MKX: variants seen among roughly 807,000 people sequenced by gnomAD.
The protein encoded by MKX is homeobox protein Mohawk.
MKX carries 13 observed loss-of-function variants against 36.0 expected under a neutral mutation model. That is an observed-to-expected ratio of 0.36 (90% CI 0.24 to 0.57). MKX has a LOEUF of 0.57. Among genes scored for constraint, MKX ranks in the 20% least tolerant of loss-of-function variants. The pLI is 0.79. For synonymous variants in MKX, 176 were observed against 178.3 expected (o/e 0.99, Z 0.10); for missense variants, 458 against 456.4 (o/e 1.00, Z -0.03).
chr10:27,695,750 G>A lies in MKX; in HGVS notation c.839-20196C>T, dbSNP rs189162885. 1.6e-3 allele frequency among the ~76,000 whole-genome samples: 241 copies of A among 152,194 alleles called. 1 individual carries two copies. The highest frequency in any genetic ancestry group is 2.8e-3 in the Non-Finnish European group (192 of 67,996). The stretch of plus-strand genomic sequence containing the variant: ...AATGCATTTAATTAATTATTCACGT[G>A]ACTAATCATAATGATAATAAAGAGA... On this transcript the variant is annotated intron_variant, in intron 5 of 6. Transcript: ENST00000419761.
chr10:27,688,608 C>T (rs1836399895), intron 5 of MKX, among the ~76,000 whole-genome samples: 2 of 152,244 alleles, frequency 1.3e-5, no homozygotes, highest in African/African-American at 2.4e-5. Context: ...CAGAAAATGA[C>T]TTCCTAACTA....
chr10:27,675,429 A>C lies in MKX; in HGVS notation c.873-14T>G. ...CTGTTAGCTGCGCTGGAGTTAAGCA[A>C]AACAGAAAGTAAACGATCAAACTCA... is the stretch of plus-strand genomic sequence containing the variant. On this transcript the variant is annotated splice_polypyrimidine_tract_variant and intron_variant, in intron 6 of 6. Coordinates refer to ENST00000419761, the MANE Select transcript of MKX (RefSeq NM_173576.3). The C allele has an allele frequency of 1.2e-6, 2 of 1,614,118 alleles. No individual in the cohort carries two copies. Among genetic ancestry groups the C allele is most frequent in the Non-Finnish European group, 1.7e-6 (2 of 1,180,006 alleles).
At chr10:27,729,449 C>T (rs953855486) in intron 5 of MKX, among the ~76,000 whole-genome samples, 92 of 152,066 alleles carry the variant, frequency 6.0e-4, no homozygotes, top group African/African-American at 2.1e-3. Context: ...GGATCACAGG[C>T]GCGCTCCACC....
intron 5 of MKX, among the ~76,000 whole-genome samples, chr10:27,701,284 A>AGCAGTGCACATCACGGCAC (rs1554771207): frequency 2.8e-5 from 4 of 145,278 alleles, no homozygotes; most frequent in South Asian, 4.6e-4. Flanking sequence ...AAAGAACTGA[A>AGCAGTGCACATCACGGCAC]GCGGTGCACA....
intron 5 of MKX, among the ~76,000 whole-genome samples, chr10:27,724,372 T>C (rs1246584510): frequency 1.3e-5 from 2 of 152,156 alleles, no homozygotes; most frequent in African/African-American, 4.8e-5. Flanking sequence ...ACTGCTAAGG[T>C]GCTGCCCAAA....
chr10:27,718,201 TACTA>T (rs1394552278), intron 5 of MKX, among the ~76,000 whole-genome samples: 2 of 152,180 alleles, frequency 1.3e-5, no homozygotes, highest in African/African-American at 2.4e-5. Flanking sequence ...ACTGTATTAT[TACTA>T]AGAAGAAGAA....
intron 5 of MKX, among the ~76,000 whole-genome samples, chr10:27,692,132 T>G (rs1352253829): frequency 1.3e-5 from 2 of 152,212 alleles, no homozygotes; most frequent in East Asian, 3.8e-4. Flanking sequence ...TGATTCTAAT[T>G]AAATATGAAT....
At chr10:27,721,750 T>C (rs1834384981) in intron 5 of MKX, among the ~76,000 whole-genome samples, 1 of 152,148 alleles carries the variant, frequency 6.6e-6, no homozygotes, top group Non-Finnish European at 1.5e-5. Context: ...GTAACAAATC[T>C]TCACATCCTG....
chr10:27,697,851 G>A (rs1017843454), intron 5 of MKX, among the ~76,000 whole-genome samples: 9 of 152,192 alleles, frequency 5.9e-5, no homozygotes, highest in Non-Finnish European at 1.5e-5. Context: ...GGGATAAGGA[G>A]GCAGTGGTCA....
chr10:27,699,547 A>C (rs540855603), intron 5 of MKX, among the ~76,000 whole-genome samples: 2 of 152,328 alleles, frequency 1.3e-5, no homozygotes, highest in South Asian at 2.1e-4. Flanking sequence ...TGGCATATGG[A>C]ACCACAGTTG....
intron 5 of MKX, among the ~76,000 whole-genome samples, chr10:27,678,637 G>A (rs12411785): frequency 0.025 from 3,799 of 152,262 alleles, 269 homozygotes; most frequent in East Asian, 0.24. Context: ...ACCCGTCAAT[G>A]TATCAATGCC....
At chr10:27,722,238 C>T (rs527486185) in intron 5 of MKX, among the ~76,000 whole-genome samples, 1 of 152,270 alleles carries the variant, frequency 6.6e-6, no homozygotes, top group East Asian at 1.9e-4. Context: ...CCCAACACCC[C>T]CACTGGGCAG....
At chr10:27,723,165 A>G (rs757509108) in intron 5 of MKX, among the ~76,000 whole-genome samples, 13 of 152,202 alleles carry the variant, frequency 8.5e-5, no homozygotes, top group Non-Finnish European at 1.5e-4. Flanking sequence ...AAAAATATAC[A>G]TACAAAATTT....
intron 5 of MKX, among the ~76,000 whole-genome samples, chr10:27,694,310 A>G (rs1406587731): frequency 1.3e-5 from 2 of 152,084 alleles, no homozygotes; most frequent in Admixed American, 1.3e-4. Flanking sequence ...CATTTCCAGA[A>G]CAAACCAGAT....
At chr10:27,734,819 G>A in intron 4 of MKX, 28 bp from the exon 5 acceptor site, 2 of 1,532,354 alleles carry the variant, frequency 1.3e-6, no homozygotes, top group Non-Finnish European at 1.8e-6. Flanking sequence ...CACTAAGTAG[G>A]GTGGTATGCA....
Position 27,706,545 on chromosome 10 carries a change from C to CTGTGTGTG in MKX, c.838+27903_838+27910dup, listed in dbSNP as rs60800576. ...CATCCTTGCCAACCCTCGTTAATTCCTGTGTGTGTGTGTGTGTGTGTGTGT... is the reference window on the plus strand; with the variant it reads ...CATCCTTGCCAACCCTCGTTAATTCCTGTGTGTGTGTGTGTGTGTGTGTGTGTGTGTGT... On this transcript the variant is annotated intron_variant, in intron 5 of 6. Coordinates refer to ENST00000419761, the MANE Select transcript of MKX (RefSeq NM_173576.3). 3.9e-3 allele frequency among the ~76,000 whole-genome samples: 563 copies of CTGTGTGTG among 144,980 alleles called. 1 individual carries two copies. The highest frequency in any genetic ancestry group is 6.9e-3 in the Middle Eastern group (2 of 288).
At chr10:27,714,928 C>T (rs1293701635) in intron 5 of MKX, among the ~76,000 whole-genome samples, 1 of 152,206 alleles carries the variant, frequency 6.6e-6, no homozygotes, top group South Asian at 2.1e-4. Context: ...GTCGAATCTA[C>T]AGGCAGGGGC....
chr10:27,704,941 A>G (rs1283344954), intron 5 of MKX, among the ~76,000 whole-genome samples: 4 of 152,244 alleles, frequency 2.6e-5, no homozygotes, highest in East Asian at 1.9e-4. Flanking sequence ...ATATTTGTTA[A>G]TGAATATTAC....
intron 5 of MKX, among the ~76,000 whole-genome samples, chr10:27,687,044 G>T (rs1240131805): frequency 6.0e-5 from 9 of 149,606 alleles, no homozygotes; most frequent in Non-Finnish European, 1.2e-4. Context: ...TCGCTCTGTT[G>T]TTCAGGCTGG....
Sources: allele counts gnomAD v4.1 joint callset (sites outside exome capture counted in the v4.1 genomes callset), GRCh38; gene constraint gnomAD v4.1.1; transcripts MANE v1.5; gene names NCBI Gene and HGNC (gene_info 2026-07-23, HGNC 2026-07-21).